Variants in CNIH3 observed in about 807,000 individuals in gnomAD.
The protein encoded by CNIH3 is cornichon family AMPA receptor auxiliary protein 3.
In CNIH3, 14 loss-of-function variants were observed where a neutral mutation model predicts 24.1. That is an observed-to-expected ratio of 0.58 (90% CI 0.38 to 0.91). The LOEUF (loss-of-function observed/expected upper bound fraction) is 0.91, where lower values mean the gene tolerates loss of function less well. CNIH3 is among the 40% of genes least tolerant of loss of function. The pLI, the probability that CNIH3 is intolerant of heterozygous loss-of-function variation, is 0.00. For synonymous variants in CNIH3, 68 were observed against 73.8 expected (o/e 0.92, Z 0.40); for missense variants, 178 against 196.8 (o/e 0.90, Z 0.57).
chr1:224,668,677 G>A (rs1398506444), intron 1 of CNIH3, among the ~76,000 whole-genome samples: 1 of 152,184 alleles, frequency 6.6e-6, no homozygotes, highest in African/African-American at 2.4e-5. Flanking sequence ...AAGAAGGAGG[G>A]AGGCTGAAAA....
At chr1:224,526,417 G>A (rs1678849641) in intron 2 of CNIH3, among the ~76,000 whole-genome samples, 1 of 152,176 alleles carries the variant, frequency 6.6e-6, no homozygotes, top group Non-Finnish European at 1.5e-5. Flanking sequence ...TGAGGACACA[G>A]CAACAAATTA....
chr1:224,686,032 G>A (rs1350210928), intron 3 of CNIH3, among the ~76,000 whole-genome samples: 3 of 151,596 alleles, frequency 2.0e-5, no homozygotes, highest in Non-Finnish European at 4.4e-5. Context: ...AATACTTTAA[G>A]TTCTAGGGTA....
intron 1 of CNIH3, among the ~76,000 whole-genome samples, chr1:224,653,037 A>G (rs1684933919): frequency 1.3e-5 from 2 of 152,260 alleles, no homozygotes; most frequent in Admixed American, 1.3e-4. Context: ...CTGGTGAGTC[A>G]CTAGCCTAGG....
chr1:224,564,567 G>A (rs1219253259), intron 3 of CNIH3, among the ~76,000 whole-genome samples: 1 of 152,226 alleles, frequency 6.6e-6, no homozygotes, highest in African/African-American at 2.4e-5. Flanking sequence ...AAAACTTGAA[G>A]AGGATGAGAA....
chr1:224,609,878 C>G (rs1682604125), intron 3 of CNIH3, among the ~76,000 whole-genome samples: 1 of 152,126 alleles, frequency 6.6e-6, no homozygotes, highest in South Asian at 2.1e-4. Flanking sequence ...TTGGAAAAAG[C>G]TTCATGATAA....
intron 1 of CNIH3, among the ~76,000 whole-genome samples, chr1:224,447,590 C>T (rs899548857): frequency 6.6e-6 from 1 of 152,200 alleles, no homozygotes; most frequent in African/African-American, 2.4e-5. Context: ...AATTAACCAT[C>T]ACAGTGGTAA....
intron 5 of CNIH3, 55 bp from the exon 6 acceptor site, chr1:224,739,274 C>T: frequency 1.3e-6 from 2 of 1,544,568 alleles, no homozygotes; most frequent in Non-Finnish European, 1.7e-6. Flanking sequence ...CCTCTGTGGG[C>T]TTCTACTAAC....
chr1:224,715,642 C>T (rs139786053), intron 3 of CNIH3, among the ~76,000 whole-genome samples: 5 of 152,260 alleles, frequency 3.3e-5, no homozygotes, highest in South Asian at 2.1e-4. Context: ...TGCTTCCACT[C>T]GTGGCAGAAG....
chr1:224,621,812 A>G (rs887441419), intron 1 of CNIH3, among the ~76,000 whole-genome samples: 10 of 152,160 alleles, frequency 6.6e-5, no homozygotes, highest in African/African-American at 1.4e-4. Flanking sequence ...TGTTTTGGCT[A>G]TGTTCACACC....
chr1:224,521,783 G>A (rs1023839692), intron 2 of CNIH3, among the ~76,000 whole-genome samples: 27 of 152,272 alleles, frequency 1.8e-4, no homozygotes, highest in African/African-American at 3.6e-4. Flanking sequence ...GCTTGAGACC[G>A]GTATGCAGCT....
intron 1 of CNIH3, among the ~76,000 whole-genome samples, chr1:224,497,532 T>A (rs896422652): frequency 1.3e-5 from 2 of 152,230 alleles, no homozygotes; most frequent in African/African-American, 4.8e-5. Context: ...GGAGAAGTGA[T>A]GTTTCCTAGG....
chr1:224,722,135 A>C (rs1688755794), intron 3 of CNIH3, among the ~76,000 whole-genome samples: 1 of 151,836 alleles, frequency 6.6e-6, no homozygotes. Flanking sequence ...GTTGGGTGGG[A>C]GGAGGCCTCA....
rs1413071945 is a variant in CNIH3 at position 224,604,227 on chromosome 1, G to A, written n.402+37963G>A. Among the ~76,000 whole-genome samples the A allele has an allele frequency of 4.6e-5, 7 of 152,306 alleles. No individual in the cohort carries two copies. In the East Asian group the frequency reaches 5.8e-4, roughly 13 times the overall value. ...AATTCTACTGATTATTGCAATAGCC[G>A]TTATATGATTTGCCAATCAGAACAG... On this transcript the variant is annotated intron_variant and non_coding_transcript_variant, in intron 3 of 7. Coordinates refer to the CNIH3 transcript ENST00000478120. This position sits in a 1 kb window ranked among gnomAD's most constrained non-coding sequence, Gnocchi z 4.4.
intron 2 of CNIH3, chr1:224,529,080 G>A (rs968569083): frequency 2.0e-5 from 3 of 152,164 alleles, no homozygotes; most frequent in African/African-American, 7.2e-5. Flanking sequence ...GCCTCCCCCA[G>A]GCAGCTCTCC....
chr1:224,494,262 A>G (rs1677346297), intron 1 of CNIH3, among the ~76,000 whole-genome samples: 2 of 152,230 alleles, frequency 1.3e-5, no homozygotes, highest in Admixed American at 1.3e-4. Flanking sequence ...TTCAGAAATC[A>G]CAGAGCCTCT....
chr1:224,688,743 C>T (rs1451145897), intron 3 of CNIH3, among the ~76,000 whole-genome samples: 1 of 151,932 alleles, frequency 6.6e-6, no homozygotes, highest in Middle Eastern at 3.2e-3. Flanking sequence ...AGGTCGGTGA[C>T]CAGCCTGGCC....
At chr1:224,662,437 A>G (rs929264079) in intron 1 of CNIH3, among the ~76,000 whole-genome samples, 1 of 152,282 alleles carries the variant, frequency 6.6e-6, no homozygotes, top group Middle Eastern at 3.4e-3. Flanking sequence ...AGTCTTACTT[A>G]TAAAAAAAAA....
chr1:224,445,942 G>T (rs1675143863), intron 1 of CNIH3, among the ~76,000 whole-genome samples: 1 of 152,120 alleles, frequency 6.6e-6, no homozygotes, highest in South Asian at 2.1e-4. Context: ...GTGAGGTAGG[G>T]GCCACAGTTC....
chr1:224,705,749 C>T (rs187178894), intron 3 of CNIH3, among the ~76,000 whole-genome samples: 2 of 152,246 alleles, frequency 1.3e-5, no homozygotes, highest in East Asian at 1.9e-4. Flanking sequence ...TACCCTGCTC[C>T]AGCCACACTG....
Sources: gnomAD v4.1 joint callset for allele counts (sites outside exome capture counted in the v4.1 genomes callset) on GRCh38, gnomAD v4.1.1 for gene constraint, Gnocchi (gnomAD v3.1) non-coding constraint, MANE v1.5 for transcripts, NCBI Gene and HGNC (gene_info 2026-07-23, HGNC 2026-07-21) for gene names.